Variants in SDK1 observed in about 807,000 individuals in gnomAD.
SDK1 encodes sidekick cell adhesion molecule 1.
A neutral mutation model predicts 245.5 loss-of-function variants in SDK1; 157 were observed. The ratio of observed to expected loss-of-function variants is 0.64; its 90% confidence interval spans 0.56 to 0.73. SDK1 has a LOEUF of 0.73. SDK1 is among the 30% of genes least tolerant of loss of function. SDK1 has a pLI of 0.00. For synonymous variants in SDK1, 1,647 were observed against 1,278.5 expected (o/e 1.29, Z -6.15); for missense variants, 3,583 against 3,002.3 (o/e 1.19, Z -4.52).
chr7:3,945,899 TA>T (rs754101246), intron 5 of SDK1, among the ~76,000 whole-genome samples: 26 of 13,678 alleles, frequency 1.9e-3, no homozygotes, highest in African/African-American at 2.3e-3. Context: ...ACTCTGTCTG[TA>T]AAAAAAAAAA....
intron 22 of SDK1, among the ~76,000 whole-genome samples, chr7:4,110,048 G>T (rs1055149495): frequency 6.6e-6 from 1 of 152,054 alleles, no homozygotes; most frequent in Non-Finnish European, 1.5e-5. Flanking sequence ...CTCTTCCCTC[G>T]TCAACACTGC....
chr7:3,309,409 G>A (rs951101265), intron 1 of SDK1, among the ~76,000 whole-genome samples: 1 of 148,942 alleles, frequency 6.7e-6, no homozygotes, highest in Non-Finnish European at 1.5e-5. Context: ...CCACTTTTTA[G>A]TATGCTTAGG....
intron 1 of SDK1, among the ~76,000 whole-genome samples, chr7:3,616,791 T>G (rs1054950666): frequency 2.6e-5 from 4 of 152,218 alleles, no homozygotes; most frequent in Admixed American, 6.5e-5. Flanking sequence ...AATGTGCAAC[T>G]AGTTTCAGTG....
At chr7:3,989,168 G>A (rs1368108016) in intron 14 of SDK1, among the ~76,000 whole-genome samples, 1 of 152,250 alleles carries the variant, frequency 6.6e-6, no homozygotes, top group Non-Finnish European at 1.5e-5. Flanking sequence ...AATTTACAGA[G>A]GAAAGAGGTT....
At chr7:3,354,063 G>A (rs911654335) in intron 1 of SDK1, among the ~76,000 whole-genome samples, 1 of 151,338 alleles carries the variant, frequency 6.6e-6, no homozygotes, top group African/African-American at 2.4e-5. Context: ...CGAGATCTCG[G>A]CTCGCTGCAA....
intron 35 of SDK1, among the ~76,000 whole-genome samples, chr7:4,186,024 G>C (rs34543928): frequency 6.6e-6 from 1 of 152,158 alleles, no homozygotes; most frequent in Non-Finnish European, 1.5e-5. Flanking sequence ...TTCCTGTCCA[G>C]AGGTGCCCGG....
chr7:4,093,680 G>C (rs1014305962), intron 22 of SDK1, among the ~76,000 whole-genome samples: 7 of 152,294 alleles, frequency 4.6e-5, no homozygotes, highest in African/African-American at 1.7e-4. Context: ...CGGCGGCGTC[G>C]ACAGCGACAG....
At chr7:3,502,818 G>T (rs1311787145) in intron 1 of SDK1, among the ~76,000 whole-genome samples, 1 of 152,162 alleles carries the variant, frequency 6.6e-6, no homozygotes, top group Non-Finnish European at 1.5e-5. Context: ...TTAGAAATCA[G>T]CTTCAGCTTT....
intron 1 of SDK1, among the ~76,000 whole-genome samples, chr7:3,545,004 C>A (rs1195833421): frequency 6.6e-6 from 1 of 152,134 alleles, no homozygotes; most frequent in Admixed American, 6.5e-5. Context: ...CCTTTCTTTT[C>A]TGCAGCAGGT....
chr7:3,400,838 A>C (rs1415121729), intron 1 of SDK1, among the ~76,000 whole-genome samples: 1 of 152,202 alleles, frequency 6.6e-6, no homozygotes, highest in Non-Finnish European at 1.5e-5. Flanking sequence ...ACAGAGCTTT[A>C]TAAAGGAGCT....
intron 1 of SDK1, among the ~76,000 whole-genome samples, chr7:3,319,878 C>CTTTTTT (rs57770805): frequency 4.3e-4 from 38 of 88,136 alleles, no homozygotes; most frequent in South Asian, 3.2e-3. Flanking sequence ...CATTCTTAGT[C>CTTTTTT]TTTTTTTTTT....
intron 35 of SDK1, among the ~76,000 whole-genome samples, chr7:4,198,705 G>T (rs1434167996): frequency 2.6e-5 from 4 of 152,134 alleles, no homozygotes; most frequent in African/African-American, 9.7e-5. Flanking sequence ...TAGAGAAGCA[G>T]CTTGGACCTT....
chr7:3,660,235 A>G (rs942090327), intron 4 of SDK1, among the ~76,000 whole-genome samples: 17 of 151,894 alleles, frequency 1.1e-4, no homozygotes, highest in African/African-American at 3.6e-4. Flanking sequence ...GAAATAAGAC[A>G]CCCATGAAAA....
intron 4 of SDK1, among the ~76,000 whole-genome samples, chr7:3,805,998 C>T (rs1198455164): frequency 6.6e-6 from 1 of 151,746 alleles, no homozygotes; most frequent in East Asian, 1.9e-4. Context: ...CAAGGTGTTC[C>T]TCCTCCTATA....
rs1489229083 is a variant in SDK1, at chr7:4,268,365, T to G, written c.*2981T>G. On this transcript the variant is annotated 3_prime_UTR_variant, in exon 45 of 45. Coordinates refer to ENST00000404826, the MANE Select transcript of SDK1 (RefSeq NM_152744.4). ...GCTGCCAGGCCACACCCCCTCGGCC[T>G]CCTGCACGGCCACCTTCTGGGTGAA... The G allele has an allele frequency of 2.8e-6, 3 of 1,058,296 alleles. No individual in the cohort carries two copies. In the African/African-American group the frequency reaches 5.1e-5, roughly 18 times the overall value. The allele number at this position is 1,058,296 out of a possible 1,614,324, so 65.6% of individuals were successfully genotyped here.
chr7:3,803,904 A>G (rs1007606288), intron 4 of SDK1, among the ~76,000 whole-genome samples: 1 of 151,852 alleles, frequency 6.6e-6, no homozygotes, highest in Non-Finnish European at 1.5e-5. Context: ...AGCTGGGACT[A>G]CAGGCACCCG....
chr7:3,627,468 C>T (rs1168318610), intron 2 of SDK1, among the ~76,000 whole-genome samples: 3 of 152,142 alleles, frequency 2.0e-5, no homozygotes, highest in African/African-American at 7.2e-5. Context: ...AAGGCAGATC[C>T]ATATCCAGAG....
At chr7:4,146,401 C>T (rs547949983) in intron 29 of SDK1, among the ~76,000 whole-genome samples, 3 of 150,598 alleles carry the variant, frequency 2.0e-5, no homozygotes, top group South Asian at 2.1e-4. Context: ...GTGAGCATTT[C>T]GTGACACACT....
chr7:3,909,331 C>T (rs556285684), intron 5 of SDK1, among the ~76,000 whole-genome samples: 11 of 152,284 alleles, frequency 7.2e-5, no homozygotes, highest in African/African-American at 2.2e-4. Flanking sequence ...GCCTGGGCTG[C>T]GGGGCGGACA....
Sources: gnomAD v4.1 joint callset for allele counts (sites outside exome capture counted in the v4.1 genomes callset) on GRCh38, gnomAD v4.1.1 for gene constraint, MANE v1.5 for transcripts, NCBI Gene and HGNC (gene_info 2026-07-23, HGNC 2026-07-21) for gene names.